The following RIMS4 variants were observed in gnomAD, a reference collection of about 807,000 sequenced individuals.
RIMS4 encodes regulating synaptic membrane exocytosis protein 4.
A neutral mutation model predicts 29.0 loss-of-function variants in RIMS4; 9 were observed. The ratio of observed to expected loss-of-function variants is 0.31; its 90% CI spans 0.19 to 0.54. RIMS4 has a LOEUF of 0.54. Among genes scored for constraint, RIMS4 ranks in the 20% least tolerant of loss-of-function variants. RIMS4 has a pLI of 0.94. For missense variants in RIMS4, 193 were observed against 365.7 expected (o/e 0.53, Z 3.85); for synonymous variants, 130 against 152.9 (o/e 0.85, Z 1.10).
intron 2 of RIMS4, among the ~76,000 whole-genome samples, chr20:44,763,764 G>A (rs2066096126): frequency 1.3e-5 from 2 of 152,278 alleles, no homozygotes; most frequent in African/African-American, 2.4e-5. Flanking sequence ...GTTCTTGATG[G>A]TGAAAGAAGT....
chr20:44,764,022 C>T (rs2066097759), intron 2 of RIMS4, among the ~76,000 whole-genome samples: 1 of 133,876 alleles, frequency 7.5e-6, no homozygotes, highest in Non-Finnish European at 1.6e-5. Flanking sequence ...ATCCATCCAT[C>T]CATTTATCCA....
chr20:44,758,465 G>T (rs1341691283), intron 2 of RIMS4, among the ~76,000 whole-genome samples: 1 of 152,226 alleles, frequency 6.6e-6, no homozygotes, highest in Non-Finnish European at 1.5e-5. Context: ...TTTAATGCGA[G>T]CCCCAGATGA....
chr20:44,757,068 T>C (rs1244496794), intron 4 of RIMS4, 31 bp from the exon 5 acceptor site: 1 of 1,605,328 alleles, frequency 6.2e-7, no homozygotes, highest in Non-Finnish European at 8.5e-7. Context: ...GGGTGAGTTC[T>C]AGTTTGGCCC....
At position 44,755,846 on chromosome 20, in the gene RIMS4, G is replaced by C; in HGVS notation, c.*288C>G. 1 of 406,376 alleles carries C rather than the reference G, an allele frequency of 2.5e-6. No homozygotes were observed. The highest frequency in any genetic ancestry group is 4.5e-6 in the Non-Finnish European group (1 of 221,164). 25.2% of individuals were successfully genotyped at this position (406,376 alleles called of 1,614,324 possible). The stretch of plus-strand genomic sequence containing the variant: ...ACAGTTTGGGAAGGGAGAGTGGTCT[G>C]CTCTGCCACCTCAATCTTTCCTTTC... On this transcript the variant is annotated 3_prime_UTR_variant, in exon 6 of 6. Coordinates refer to ENST00000372851, the MANE Select transcript of RIMS4 (RefSeq NM_182970.4).
At chr20:44,804,036 C>T (rs1408626343) in intron 1 of RIMS4, among the ~76,000 whole-genome samples, 4 of 152,158 alleles carry the variant, frequency 2.6e-5, no homozygotes, top group Non-Finnish European at 5.9e-5. Flanking sequence ...TCATTTCATG[C>T]CCAGAAGCAG....
At position 44,755,787 on chromosome 20, in the gene RIMS4, A is replaced by G. The variant is rs1307685009; in HGVS notation, c.*347T>C. On this transcript the variant is annotated 3_prime_UTR_variant, in exon 6 of 6. Coordinates refer to ENST00000372851, the MANE Select transcript of RIMS4 (RefSeq NM_182970.4). ...GTTCTGGACATGGCTCTGGGCAGCG[A>G]GCTTCCGAGGAGGCAAAAAGGGGGA... 2 of 234,198 alleles carry G rather than the reference A, an allele frequency of 8.5e-6. No homozygotes were observed. The highest frequency in any genetic ancestry group is 1.8e-4 in the East Asian group (2 of 11,418). The allele number at this position is 234,198 out of a possible 1,614,324, so 14.5% of individuals were successfully genotyped here. A position where few individuals can be genotyped will look rare whatever the true frequency, so the allele number is the denominator to read the frequency against.
chr20:44,787,741 G>A (rs917193786), intron 1 of RIMS4, among the ~76,000 whole-genome samples: 6 of 151,020 alleles, frequency 4.0e-5, no homozygotes, highest in Non-Finnish European at 5.9e-5. Context: ...CAACTTGAAC[G>A]TAATTTCAAG....
At chr20:44,786,049 T>C (rs2066207196) in intron 1 of RIMS4, among the ~76,000 whole-genome samples, 1 of 152,172 alleles carries the variant, frequency 6.6e-6, no homozygotes, top group African/African-American at 2.4e-5. Context: ...TCTGTGCCTG[T>C]CCTCAAGGGG....
intron 1 of RIMS4, among the ~76,000 whole-genome samples, chr20:44,802,635 T>C (rs111951371): frequency 6.0e-4 from 92 of 152,284 alleles, no homozygotes; most frequent in African/African-American, 1.5e-3. Flanking sequence ...GCGTTATGCA[T>C]GTAAAGGCAC....
At position 44,771,257 on chromosome 20, in the gene RIMS4, T is replaced by C; in HGVS notation, c.236+18A>G. 1 of 1,597,008 alleles carries C rather than the reference T, an allele frequency of 6.3e-7. No individual in the cohort carries two copies. The highest frequency in any genetic ancestry group is 8.6e-7 in the Non-Finnish European group (1 of 1,166,294). Reference sequence around the variant, plus strand: ...AAAAGACTGCAAGAACCAGGAGGGCTGGTGGCCCCACACTTACTTGCCCTC... The same window carrying C: ...AAAAGACTGCAAGAACCAGGAGGGCCGGTGGCCCCACACTTACTTGCCCTC... On this transcript the variant is annotated intron_variant, in intron 2 of 5. Transcript: ENST00000372851.
intron 1 of RIMS4, among the ~76,000 whole-genome samples, chr20:44,776,492 T>C (rs2066160771): frequency 6.6e-6 from 1 of 152,150 alleles, no homozygotes; most frequent in Non-Finnish European, 1.5e-5. Context: ...TGGTTCTCAC[T>C]CCTCTCCTTT....
At chr20:44,798,108 G>C (rs2066262503) in intron 1 of RIMS4, among the ~76,000 whole-genome samples, 1 of 152,154 alleles carries the variant, frequency 6.6e-6, no homozygotes. Context: ...ATGAGGATCA[G>C]GCAGGCTCAA....
intron 1 of RIMS4, among the ~76,000 whole-genome samples, chr20:44,778,778 G>A (rs2066171366): frequency 6.6e-6 from 1 of 152,204 alleles, no homozygotes; most frequent in Non-Finnish European, 1.5e-5. Context: ...TTAAAAGCAT[G>A]GACAATGGAG....
chr20:44,780,095 T>C (rs1409279914), intron 1 of RIMS4, among the ~76,000 whole-genome samples: 2 of 152,248 alleles, frequency 1.3e-5, no homozygotes, highest in Non-Finnish European at 2.9e-5. Flanking sequence ...TGGCTATTAC[T>C]ATTAACCTCT....
chr20:44,780,132 T>A (rs528665718), intron 1 of RIMS4, among the ~76,000 whole-genome samples: 2 of 152,246 alleles, frequency 1.3e-5, no homozygotes, highest in Non-Finnish European at 2.9e-5. Context: ...AACTGCTCAC[T>A]GATACCACCT....
At chr20:44,799,462 G>A (rs1469790384) in intron 1 of RIMS4, among the ~76,000 whole-genome samples, 3 of 152,138 alleles carry the variant, frequency 2.0e-5, no homozygotes, top group Admixed American at 6.5e-5. Flanking sequence ...GGGGTGGCTC[G>A]GCCAGGGCTT....
intron 2 of RIMS4, among the ~76,000 whole-genome samples, chr20:44,767,457 A>G (rs1345090363): frequency 2.6e-5 from 4 of 152,154 alleles, no homozygotes; most frequent in Non-Finnish European, 5.9e-5. Flanking sequence ...CCAGGGGATC[A>G]ACCACAACTG....
At position 44,810,184 on chromosome 20, in the gene RIMS4, C is replaced by A; in HGVS notation, c.88G>T (p.Glu30Ter). The change falls in exon 1 of 6, where the codon GAG becomes TAG. Residue 30 changes from glutamate (E) to a stop codon, truncating the protein, a stop_gained. Coordinates refer to ENST00000372851, the MANE Select transcript of RIMS4 (RefSeq NM_182970.4). LOFTEE classifies it high-confidence loss of function. ...CGGGCCGCGCGCTTACCTGCGTCCT[C>A]GTCGTCGAAGGAGTTCATGCACGGG... ...YFPCMNSFDD[E>*]DAGDSRRLKG... The A allele has an allele frequency of 6.3e-7, 1 of 1,587,238 alleles. No individual in the cohort carries two copies. Among genetic ancestry groups the A allele is most frequent in the Non-Finnish European group, 8.6e-7 (1 of 1,164,900 alleles).
At chr20:44,801,729 A>G (rs928622953) in intron 1 of RIMS4, among the ~76,000 whole-genome samples, 2 of 152,148 alleles carry the variant, frequency 1.3e-5, no homozygotes, top group Admixed American at 1.3e-4. Context: ...AGGCTTTATG[A>G]GGGCCTACGT....
Sources: gnomAD v4.1 joint callset for allele counts (sites outside exome capture counted in the v4.1 genomes callset) on GRCh38, gnomAD v4.1.1 for gene constraint, MANE v1.5 for transcripts, NCBI Gene and HGNC (gene_info 2026-07-23, HGNC 2026-07-21) for gene names.